Variants in KCNH5 observed in about 807,000 individuals in gnomAD.
KCNH5 encodes the protein potassium voltage-gated channel subfamily H member 5, also known as voltage-gated delayed rectifier potassium channel KCNH5.
A neutral mutation model predicts 96.1 loss-of-function variants in KCNH5; 46 were observed. The observed-to-expected ratio is 0.48, with a 90% CI of 0.38 to 0.61. The LOEUF (loss-of-function observed/expected upper bound fraction) is 0.61, where lower values mean the gene tolerates loss of function less well. KCNH5 is among the 20% of genes least tolerant of loss of function. The pLI is 0.00. For synonymous variants in KCNH5, 439 were observed against 449.8 expected (o/e 0.98, Z 0.30); for missense variants, 907 against 1,225.8 (o/e 0.74, Z 3.88).
chr14:62,807,876 G>T (rs1240319203), intron 8 of KCNH5, among the ~76,000 whole-genome samples: 1 of 152,036 alleles, frequency 6.6e-6, no homozygotes, highest in East Asian at 1.9e-4. Context: ...TTTAAAGGTT[G>T]TTAGGCCTCC....
chr14:62,885,011 A>C (rs1888568469), intron 7 of KCNH5, among the ~76,000 whole-genome samples: 1 of 152,234 alleles, frequency 6.6e-6, no homozygotes, highest in Admixed American at 6.5e-5. Flanking sequence ...CAACGATCTC[A>C]AATCCCAGTA....
At chr14:62,797,844 T>C (rs1293953091) in intron 9 of KCNH5, among the ~76,000 whole-genome samples, 2 of 151,688 alleles carry the variant, frequency 1.3e-5, no homozygotes, top group African/African-American at 4.8e-5. Context: ...GCCTCCCAAA[T>C]ACCTCCCAAA....
chr14:63,031,789 A>G (rs1891632075), intron 1 of KCNH5, among the ~76,000 whole-genome samples: 1 of 152,200 alleles, frequency 6.6e-6, no homozygotes, highest in Non-Finnish European at 1.5e-5. Context: ...AATATGGAAG[A>G]TGATGAATAG....
At chr14:62,936,196 GACACA>G (rs1889676778) in intron 7 of KCNH5, among the ~76,000 whole-genome samples, 1 of 152,112 alleles carries the variant, frequency 6.6e-6, no homozygotes, top group South Asian at 2.1e-4. Context: ...AGGAAGTGAA[GACACA>G]TGCTTTAGAA....
intron 9 of KCNH5, among the ~76,000 whole-genome samples, chr14:62,798,205 T>C (rs1040690192): frequency 6.6e-6 from 1 of 152,216 alleles, no homozygotes; most frequent in Non-Finnish European, 1.5e-5. Flanking sequence ...CTCTTGAGAA[T>C]TTGAAGTTAC....
intron 8 of KCNH5, among the ~76,000 whole-genome samples, chr14:62,832,516 G>A (rs138262970): frequency 6.6e-6 from 1 of 152,120 alleles, no homozygotes; most frequent in African/African-American, 2.4e-5. Flanking sequence ...CCATTCATGG[G>A]CATTTAAGTT....
chr14:62,846,511 G>C (rs1257865542), intron 8 of KCNH5, among the ~76,000 whole-genome samples: 1 of 151,324 alleles, frequency 6.6e-6, no homozygotes, highest in African/African-American at 2.4e-5. Context: ...ACAGTTTCTT[G>C]TTTTTTTGCA....
chr14:62,838,093 C>CA (rs1254893129), intron 8 of KCNH5, among the ~76,000 whole-genome samples: 18 of 152,216 alleles, frequency 1.2e-4, no homozygotes, highest in Admixed American at 7.2e-4. Flanking sequence ...TCCTTGGCAC[C>CA]AAAAATCACT....
At chr14:62,720,716 T>G (rs991468342) in intron 10 of KCNH5, among the ~76,000 whole-genome samples, 1 of 152,170 alleles carries the variant, frequency 6.6e-6, no homozygotes, top group African/African-American at 2.4e-5. Flanking sequence ...GGTTTGTGGA[T>G]GTGCTGGATG....
chr14:62,852,468 A>G (rs755227264), intron 7 of KCNH5, among the ~76,000 whole-genome samples: 32 of 152,252 alleles, frequency 2.1e-4, no homozygotes, highest in Admixed American at 1.9e-3. Context: ...AAGTTGCAGA[A>G]ATACTGCAGA....
In KCNH5 at chr14:63,006,481, GA is replaced by G. The variant is rs36103415; in HGVS notation, c.198-10del. The G allele has an allele frequency of 0.043, 63,350 of 1,465,854 alleles. 1,568 individuals are homozygous for G. Among genetic ancestry groups the G allele is most frequent in the East Asian group, 0.054 (2,367 of 43,850 alleles). 90.8% of individuals were successfully genotyped at this position (1,465,854 alleles called of 1,614,324 possible). On this transcript the variant is annotated splice_polypyrimidine_tract_variant and intron_variant, in intron 2 of 10. Coordinates refer to ENST00000322893, the MANE Select transcript of KCNH5 (RefSeq NM_139318.5). ...ATTCCCCATACATAAAACTGGGGGGGAAAAAAAACAAACAATCGATTTCACT... is the reference window on the plus strand; with the variant it reads ...ATTCCCCATACATAAAACTGGGGGGGAAAAAAACAAACAATCGATTTCACT...
chr14:62,699,742 T>C lies in KCNH5; in HGVS notation c.*7766A>G, dbSNP rs1034521356. On this transcript the variant is annotated 3_prime_UTR_variant, in exon 11 of 11. Coordinates refer to ENST00000322893, the MANE Select transcript of KCNH5 (RefSeq NM_139318.5). Reference sequence around the variant, plus strand: ...ATAATTGACCCTAAAGTCACAAAGTTAAAATATTTTCACACATCCTGTCAG... The same window carrying C: ...ATAATTGACCCTAAAGTCACAAAGTCAAAATATTTTCACACATCCTGTCAG... 16 of 152,154 alleles carry C rather than the reference T, an allele frequency of 1.1e-4. No homozygotes were observed. Among genetic ancestry groups the C allele is most frequent in the Non-Finnish European group, 7.4e-5 (5 of 67,996 alleles). The allele number at this position is 152,154 out of a possible 1,614,324, so 9.4% of individuals were successfully genotyped here. A position where few individuals can be genotyped will look rare whatever the true frequency, so the allele number is the denominator to read the frequency against.
In KCNH5 at chr14:62,934,462, G is replaced by A. The variant is rs1051211217; in HGVS notation, c.1369+15671C>T. Among the ~76,000 whole-genome samples, 7 of 152,108 alleles carry A rather than the reference G, an allele frequency of 4.6e-5. No homozygotes were observed. In the East Asian group the frequency reaches 5.8e-4, roughly 13 times the overall value. The stretch of plus-strand genomic sequence containing the variant: ...TGTTTCCAAACCATTAAAATTCCCA[G>A]GTTGTTCTCTTCTGTATCCAATGAA... On this transcript the variant is annotated intron_variant, in intron 7 of 10. Coordinates refer to ENST00000322893, the MANE Select transcript of KCNH5 (RefSeq NM_139318.5).
chr14:62,835,236 A>G (rs548900462), intron 8 of KCNH5, among the ~76,000 whole-genome samples: 1 of 152,114 alleles, frequency 6.6e-6, no homozygotes, highest in Non-Finnish European at 1.5e-5. Flanking sequence ...GTATGTGTAA[A>G]TGTTGATGTA....
intron 7 of KCNH5, among the ~76,000 whole-genome samples, chr14:62,895,325 G>C (rs546481016): frequency 6.6e-6 from 1 of 151,428 alleles, no homozygotes; most frequent in East Asian, 1.9e-4. Flanking sequence ...AATTCATTCA[G>C]CATCATGACT....
intron 7 of KCNH5, among the ~76,000 whole-genome samples, chr14:62,949,004 A>G (rs372997086): frequency 0.061 from 9,101 of 149,036 alleles, 852 homozygotes; most frequent in African/African-American, 0.22. Flanking sequence ...TTGATGGGAC[A>G]TATTTCAAAA....
chr14:63,003,512 T>C (rs1332088191), intron 3 of KCNH5, among the ~76,000 whole-genome samples: 42 of 114,646 alleles, frequency 3.7e-4, no homozygotes, highest in African/African-American at 1.4e-3. Context: ...ATTTTATATA[T>C]ATTTTATATA....
intron 10 of KCNH5, among the ~76,000 whole-genome samples, chr14:62,779,516 T>C (rs1410474631): frequency 6.6e-6 from 1 of 152,210 alleles, no homozygotes; most frequent in Non-Finnish European, 1.5e-5. Flanking sequence ...GTATCTTAAA[T>C]GGTAAAGATT....
intron 6 of KCNH5, among the ~76,000 whole-genome samples, chr14:62,961,171 C>A (rs1397532989): frequency 3.3e-5 from 5 of 152,076 alleles, no homozygotes; most frequent in African/African-American, 7.2e-5. Flanking sequence ...TCAATAATTT[C>A]TTGCTGCCTT....
Sources: allele counts gnomAD v4.1 joint callset (sites outside exome capture counted in the v4.1 genomes callset), GRCh38; gene constraint gnomAD v4.1.1; transcripts MANE v1.5; gene names NCBI Gene and HGNC (gene_info 2026-07-23, HGNC 2026-07-21).